KLF12: variants seen among roughly 807,000 people sequenced by gnomAD.
KLF12 encodes Krueppel-like factor 12.
KLF12 carries 9 observed loss-of-function variants against 37.8 expected under a neutral mutation model. The observed-to-expected ratio is 0.24, with a 90% CI of 0.14 to 0.42. The LOEUF (loss-of-function observed/expected upper bound fraction) is 0.42. KLF12 is among the 10% of genes least tolerant of loss of function. The probability of loss-of-function intolerance (pLI) is 1.00; values close to 1 mark genes in which losing one functional copy is unlikely to be tolerated. For missense variants in KLF12, 411 were observed against 516.0 expected (o/e 0.80, Z 1.97); for synonymous variants, 208 against 202.1 (o/e 1.03, Z -0.25).
chr13:73,919,239 C>A (rs1468271630), intron 3 of KLF12, among the ~76,000 whole-genome samples: 1 of 152,164 alleles, frequency 6.6e-6, no homozygotes, highest in Admixed American at 6.6e-5. Flanking sequence ...TAAAGTGTCA[C>A]CCAGGATTTA....
chr13:74,129,433 A>G (rs1878138691), intron 1 of KLF12, among the ~76,000 whole-genome samples: 1 of 152,170 alleles, frequency 6.6e-6, no homozygotes, highest in Admixed American at 6.6e-5. Context: ...TTGGGACACA[A>G]TTCATGGCTG....
chr13:74,181,419 A>C, the KLF12 span, among the ~76,000 whole-genome samples: 1 of 146,816 alleles, frequency 6.8e-6, no homozygotes, highest in Non-Finnish European at 1.5e-5. Flanking sequence ...GTGGTGGCTC[A>C]CGCCTGTAAT....
chr13:74,111,532 G>T (rs1303550311), intron 1 of KLF12, among the ~76,000 whole-genome samples: 1 of 152,100 alleles, frequency 6.6e-6, no homozygotes, highest in Non-Finnish European at 1.5e-5. Flanking sequence ...AAATTCTAAA[G>T]CTACAAGCAT....
At chr13:73,849,375 T>TAAAAAAAAAAAAAAAAAAA (rs574332239) in intron 3 of KLF12, among the ~76,000 whole-genome samples, 3 of 98,986 alleles carry the variant, frequency 3.0e-5, no homozygotes, top group African/African-American at 1.4e-4. Context: ...GGAGACTCCA[T>TAAAAAAAAAAAAAAAAAAA]AAAAAAAAAA....
At position 73,739,775 on chromosome 13, in the gene KLF12, T is replaced by C. The variant is rs187355124; in HGVS notation, c.870-24250A>G. Among the ~76,000 whole-genome samples, 418 of 152,344 alleles carry C rather than the reference T, an allele frequency of 2.7e-3. 1 individual carries two copies. Among genetic ancestry groups the C allele is most frequent in the African/African-American group, 9.0e-3 (372 of 41,562 alleles). ...GCATTTACATAGACATGATGATAAA[T>C]AATCAGAGAAAACATTAAGCTAGCT... On this transcript the variant is annotated intron_variant, in intron 6 of 7. Transcript: ENST00000377669.
intron 3 of KLF12, among the ~76,000 whole-genome samples, chr13:73,919,294 C>G (rs1362839388): frequency 6.6e-6 from 1 of 152,018 alleles, no homozygotes; most frequent in African/African-American, 2.4e-5. Flanking sequence ...GAATCAATGC[C>G]CTAGAAAATT....
chr13:73,925,938 T>C (rs1402225918), intron 3 of KLF12, among the ~76,000 whole-genome samples: 1 of 152,208 alleles, frequency 6.6e-6, no homozygotes, highest in Non-Finnish European at 1.5e-5. Flanking sequence ...GAAGACATGA[T>C]GGAATTGCTT....
chr13:74,090,732 T>C (rs1198525546), intron 1 of KLF12, among the ~76,000 whole-genome samples: 2 of 152,138 alleles, frequency 1.3e-5, no homozygotes, highest in African/African-American at 4.8e-5. Context: ...GTTCCTTGTA[T>C]ATTCTGGATA....
chr13:73,957,312 T>A (rs1362257323), intron 2 of KLF12, among the ~76,000 whole-genome samples: 1 of 152,194 alleles, frequency 6.6e-6, no homozygotes, highest in Non-Finnish European at 1.5e-5. Flanking sequence ...ATTCCTTCTA[T>A]CCTTTCTGCA....
At chr13:73,761,769 C>T (rs1052343287) in intron 6 of KLF12, among the ~76,000 whole-genome samples, 4 of 152,084 alleles carry the variant, frequency 2.6e-5, no homozygotes, top group Non-Finnish European at 5.9e-5. Flanking sequence ...GCCAATAAAC[C>T]TAAGATGGGT....
At chr13:74,134,082 G>T (rs1878426761), upstream of KLF12, among the ~76,000 whole-genome samples, 1 of 151,594 alleles carries the variant, frequency 6.6e-6, no homozygotes, top group South Asian at 2.1e-4. Context: ...GAATTACCCC[G>T]GGGCCCAGCC....
At chr13:73,910,237 G>T (rs1888504763) in intron 3 of KLF12, among the ~76,000 whole-genome samples, 1 of 151,994 alleles carries the variant, frequency 6.6e-6, no homozygotes, top group Admixed American at 6.6e-5. Context: ...GAAAAAGTTT[G>T]GAAATTTTAA....
At chr13:73,851,021 T>C (rs539479347) in intron 3 of KLF12, among the ~76,000 whole-genome samples, 3 of 152,214 alleles carry the variant, frequency 2.0e-5, no homozygotes, top group African/African-American at 7.2e-5. Context: ...CTTGGTATCA[T>C]CACGAAAATT....
At chr13:73,805,606 A>AAGGAAGGGAGGG (rs1330660981) in intron 5 of KLF12, among the ~76,000 whole-genome samples, 1 of 50,114 alleles carries the variant, frequency 2.0e-5, no homozygotes, top group Non-Finnish European at 3.8e-5. Context: ...GCACTGTCAG[A>AAGGAAGGGAGGG]AGGAAGGGAG....
At chr13:73,988,037 C>T (rs557267917) in intron 2 of KLF12, among the ~76,000 whole-genome samples, 3 of 152,218 alleles carry the variant, frequency 2.0e-5, no homozygotes, top group African/African-American at 7.2e-5. Context: ...CTCCCCTCTG[C>T]TTCCATGGCA....
intron 4 of KLF12, among the ~76,000 whole-genome samples, chr13:73,842,743 C>T (rs1333811567): frequency 1.3e-5 from 2 of 152,174 alleles, no homozygotes; most frequent in African/African-American, 4.8e-5. Flanking sequence ...TTCCTTTGCT[C>T]ATGCATACCA....
intron 3 of KLF12, among the ~76,000 whole-genome samples, chr13:73,923,045 C>A (rs1468728454): frequency 1.3e-5 from 2 of 152,188 alleles, no homozygotes; most frequent in African/African-American, 4.8e-5. Context: ...TTGGAGATGT[C>A]ATTTAAATGC....
intron 3 of KLF12, among the ~76,000 whole-genome samples, chr13:73,863,511 C>G (rs1443442251): frequency 6.6e-6 from 1 of 152,132 alleles, no homozygotes; most frequent in African/African-American, 2.4e-5. Context: ...CACTGCTTGA[C>G]ACAAAATAGT....
At chr13:73,773,813 G>C (rs1360833937) in intron 5 of KLF12, among the ~76,000 whole-genome samples, 2 of 152,056 alleles carry the variant, frequency 1.3e-5, no homozygotes, top group Non-Finnish European at 2.9e-5. Context: ...TCTGTTTTCT[G>C]TTTCTTGCTC....
Sources: gnomAD v4.1 joint callset for allele counts (sites outside exome capture counted in the v4.1 genomes callset) on GRCh38, gnomAD v4.1.1 for gene constraint, MANE v1.5 for transcripts, NCBI Gene and HGNC (gene_info 2026-07-23, HGNC 2026-07-21) for gene names.